FILIP1: variants seen among roughly 807,000 people sequenced by gnomAD.
FILIP1 encodes the protein filamin A interacting protein 1.
In FILIP1, 61 loss-of-function variants were observed where a neutral mutation model predicts 102.1. The observed-to-expected ratio is 0.60, with a 90% CI of 0.49 to 0.74. The LOEUF is 0.74. FILIP1 is among the 30% of genes least tolerant of loss of function. The pLI is 0.00. For synonymous variants in FILIP1, 491 were observed against 526.9 expected, an observed-to-expected ratio of 0.93 and a Z score of 0.93; for missense variants, 1,314 against 1,441.2, an observed-to-expected ratio of 0.91 and a Z score of 1.43.
intron 1 of FILIP1, among the ~76,000 whole-genome samples, chr6:75,443,456 G>A (rs1778341875): frequency 6.6e-6 from 1 of 152,206 alleles, no homozygotes; most frequent in African/African-American, 2.4e-5. Context: ...ATTTTAAGGG[G>A]AAAAATGGAT....
intron 3 of FILIP1, among the ~76,000 whole-genome samples, chr6:75,358,004 A>G (rs1775058781): frequency 6.6e-6 from 1 of 152,250 alleles, no homozygotes; most frequent in South Asian, 2.1e-4. Flanking sequence ...ATAGGCACCT[A>G]TTGCTTTGGA....
chr6:75,485,992 C>T (rs990649334), intron 1 of FILIP1, among the ~76,000 whole-genome samples: 150 of 138,424 alleles, frequency 1.1e-3, no homozygotes, highest in African/African-American at 3.0e-3. Context: ...CACACACACA[C>T]ACACATACAC....
intron 1 of FILIP1, among the ~76,000 whole-genome samples, chr6:75,457,740 C>T (rs558864334): frequency 5.4e-4 from 82 of 152,120 alleles, no homozygotes; most frequent in African/African-American, 1.9e-3. Context: ...TGTGACATCC[C>T]TATCCTAACA....
At chr6:75,418,778 T>TA (rs1480518222) in intron 1 of FILIP1, among the ~76,000 whole-genome samples, 1 of 152,178 alleles carries the variant, frequency 6.6e-6, no homozygotes, top group South Asian at 2.1e-4. Flanking sequence ...TAACCCTTTT[T>TA]AAAAAATCAG....
At chr6:75,322,829 G>A (rs577346265) in intron 4 of FILIP1, among the ~76,000 whole-genome samples, 169 of 152,170 alleles carry the variant, frequency 1.1e-3, no homozygotes, top group Middle Eastern at 6.8e-3. Context: ...GAGTAGCTGG[G>A]ACTACAGGCA....
chr6:75,475,617 GA>G (rs903236524), intron 1 of FILIP1, among the ~76,000 whole-genome samples: 6 of 152,006 alleles, frequency 3.9e-5, no homozygotes, highest in African/African-American at 1.5e-4. Flanking sequence ...ATTTCATAGT[GA>G]ATTTTGTATA....
chr6:75,354,486 G>C (rs1032255037), intron 3 of FILIP1, among the ~76,000 whole-genome samples: 4 of 151,104 alleles, frequency 2.6e-5, no homozygotes, highest in African/African-American at 9.8e-5. Flanking sequence ...CAGGAGAGTG[G>C]CTTGATCCCT....
chr6:75,427,794 A>G (rs1777677517), intron 1 of FILIP1, among the ~76,000 whole-genome samples: 1 of 152,166 alleles, frequency 6.6e-6, no homozygotes, highest in African/African-American at 2.4e-5. Context: ...AAGCCCAAAC[A>G]TGACCCCTCA....
chr6:75,485,909 C>A (rs191668084), intron 1 of FILIP1, among the ~76,000 whole-genome samples: 1 of 151,296 alleles, frequency 6.6e-6, no homozygotes, highest in East Asian at 1.9e-4. Context: ...CATTTGGAAC[C>A]AATAACAAGC....
chr6:75,432,228 C>T (rs1287610170), intron 1 of FILIP1, among the ~76,000 whole-genome samples: 1 of 152,168 alleles, frequency 6.6e-6, no homozygotes, highest in Non-Finnish European at 1.5e-5. Context: ...TTAAAATTTA[C>T]TACTCAAAAC....
At chr6:75,476,516 GTAAT>G (rs1215693932) in intron 1 of FILIP1, among the ~76,000 whole-genome samples, 1 of 152,108 alleles carries the variant, frequency 6.6e-6, no homozygotes, top group African/African-American at 2.4e-5. Flanking sequence ...GTTAAAGAAA[GTAAT>G]TAAACATCAA....
intron 1 of FILIP1, among the ~76,000 whole-genome samples, chr6:75,447,142 G>A (rs995630427): frequency 3.3e-5 from 5 of 152,030 alleles, no homozygotes; most frequent in African/African-American, 4.8e-5. Context: ...AACTTCTGTC[G>A]TATTAAAAAC....
intron 2 of FILIP1, among the ~76,000 whole-genome samples, chr6:75,379,752 C>T (rs186783529): frequency 7.3e-4 from 111 of 152,290 alleles, no homozygotes; most frequent in Middle Eastern, 3.4e-3. Flanking sequence ...ATGCTCTTCC[C>T]GCATGGTGTG....
At chr6:75,372,697 G>GAA (rs1491014681) in intron 2 of FILIP1, among the ~76,000 whole-genome samples, 18 of 40,118 alleles carry the variant, frequency 4.5e-4, no homozygotes, top group South Asian at 4.3e-3. Context: ...GAAAGAAAGA[G>GAA]AAAGAAAGAA....
Position 75,447,212 on chromosome 6 carries a change from C to T in FILIP1, c.-6-32234G>A, listed in dbSNP as rs563951384. ...GCAAGTAGGGAAAAAGGAAAGAAAA[C>T]GGTTATAAACATAGAAATGTAGAAT... On this transcript the variant is annotated intron_variant, in intron 1 of 5. Transcript: ENST00000237172. 6.1e-4 allele frequency among the ~76,000 whole-genome samples: 93 copies of T among 152,160 alleles called. 1 individual carries two copies. Among genetic ancestry groups the T allele is most frequent in the Non-Finnish European group, 1.0e-3 (69 of 67,970 alleles).
At chr6:75,305,488 C>T (rs1198871731), downstream of FILIP1, among the ~76,000 whole-genome samples, 2 of 152,164 alleles carry the variant, frequency 1.3e-5, no homozygotes, top group African/African-American at 4.8e-5. Flanking sequence ...ACCCTAAAAT[C>T]TCTAGAGAGA....
chr6:75,464,574 T>A (rs1326817924), intron 1 of FILIP1, among the ~76,000 whole-genome samples: 1 of 152,212 alleles, frequency 6.6e-6, no homozygotes, highest in African/African-American at 2.4e-5. Context: ...TTACCTGAAC[T>A]CACAGCCAGC....
intron 1 of FILIP1, among the ~76,000 whole-genome samples, chr6:75,447,416 T>G (rs1778474347): frequency 1.3e-5 from 2 of 152,158 alleles, no homozygotes; most frequent in Non-Finnish European, 2.9e-5. Flanking sequence ...AAAAGACCTT[T>G]GGATGAGGTC....
chr6:75,338,467 G>A (rs1774314091), intron 4 of FILIP1, among the ~76,000 whole-genome samples: 1 of 152,124 alleles, frequency 6.6e-6, no homozygotes, highest in African/African-American at 2.4e-5. Context: ...TCCAAACATT[G>A]AAAACACCAC....
Sources: allele counts gnomAD v4.1 joint callset (sites outside exome capture counted in the v4.1 genomes callset), GRCh38; gene constraint gnomAD v4.1.1; transcripts MANE v1.5; gene names NCBI Gene and HGNC (gene_info 2026-07-23, HGNC 2026-07-21).